Variants in CLN6 observed in about 807,000 individuals in gnomAD.
CLN6 encodes CLN6 transmembrane ER protein, also known as ceroid-lipofuscinosis neuronal protein 6.
CLN6 carries 22 observed loss-of-function variants against 33.3 expected under a neutral mutation model. The ratio of observed to expected loss-of-function variants is 0.66; its 90% CI spans 0.47 to 0.94. CLN6 has a LOEUF of 0.94. CLN6 is among the 40% of genes least tolerant of loss of function. The pLI is 0.00. For synonymous variants in CLN6, 201 were observed against 174.6 expected (o/e 1.15, Z -1.19); for missense variants, 387 against 417.1 (o/e 0.93, Z 0.63).
At chr15:68,224,618 C>CA (rs57397347) in intron 1 of CLN6, among the ~76,000 whole-genome samples, 11,756 of 104,228 alleles carry the variant, frequency 0.11, 721 homozygotes, top group Non-Finnish European at 0.14. Context: ...GACTCTGTCT[C>CA]AAAAAAAAAA....
rs189715698 is a variant in CLN6, at chr15:68,228,190, A to C, written c.83+1312T>G. 2.0e-5 allele frequency among the ~76,000 whole-genome samples: 3 copies of C among 152,296 alleles called. No homozygotes were observed. In the East Asian group the frequency reaches 5.8e-4, roughly 29 times the overall value. On this transcript the variant is annotated intron_variant, in intron 1 of 6. Transcript: ENST00000249806. This position sits in a 1 kb window ranked among gnomAD's most constrained non-coding sequence, Gnocchi z 4.4. ...CTAAGTGAAAACGGACACAGTCCGCAGCTGCTCAGCCCGCATGTCCGCAGC... is the reference window on the plus strand; with the variant it reads ...CTAAGTGAAAACGGACACAGTCCGCCGCTGCTCAGCCCGCATGTCCGCAGC...
chr15:68,218,465 A>G (rs2093226589), intron 2 of CLN6, 71 bp downstream of exon 2: 1 of 1,102,072 alleles, frequency 9.1e-7, no homozygotes. Flanking sequence ...GTCTAAGGTC[A>G]CTCGGCAAAT....
chr15:68,207,940 A>T lies in CLN6; in HGVS notation c.*200T>A, dbSNP rs2093192076. 1 of 612,242 alleles carries T rather than the reference A, an allele frequency of 1.6e-6. No individual in the cohort carries two copies. Among genetic ancestry groups the T allele is most frequent in the Non-Finnish European group, 2.9e-6 (1 of 346,076 alleles). The allele number at this position is 612,242 out of a possible 1,614,324, so 37.9% of individuals were successfully genotyped here. On this transcript the variant is annotated 3_prime_UTR_variant, in exon 7 of 7. Transcript: ENST00000249806. ...CAAACAGAAACTTGACGGAAATAGT[A>T]GAGTCTGAAAATGATGCACTCTGCG...
upstream of CLN6, among the ~76,000 whole-genome samples, chr15:68,231,073 C>T (rs1031924836): frequency 1.2e-4 from 18 of 152,156 alleles, no homozygotes; most frequent in African/African-American, 4.1e-4. Flanking sequence ...CTGAGCTATG[C>T]CTATTTCCAT....
In CLN6 at chr15:68,209,885, G is replaced by C. The variant is rs2093199822; in HGVS notation, c.543-126C>G. 1 of 1,332,448 alleles carries C rather than the reference G, an allele frequency of 7.5e-7. No homozygotes were observed. The highest frequency in any genetic ancestry group is 1.8e-5 in the Admixed American group (1 of 56,846). 82.5% of individuals were successfully genotyped at this position (1,332,448 alleles called of 1,614,324 possible). On this transcript the variant is annotated intron_variant, in intron 5 of 6. Coordinates refer to ENST00000249806, the MANE Select transcript of CLN6 (RefSeq NM_017882.3). The surrounding 1 kb of genome is among the most constrained non-coding windows in gnomAD (Gnocchi z 4.9). The stretch of plus-strand genomic sequence containing the variant: ...AGTTTACAAAACGCCTAGCCTGGGT[G>C]AGAGGCGCTCCTCTCCACCCAACCT...
chr15:68,234,648 G>A (rs1233208380), upstream of CLN6, among the ~76,000 whole-genome samples: 1 of 152,154 alleles, frequency 6.6e-6, no homozygotes, highest in Non-Finnish European at 1.5e-5. This position sits in a 1 kb window ranked among gnomAD's most constrained non-coding sequence, Gnocchi z 4.1. Flanking sequence ...AGAGCTAGGA[G>A]AAGCTGAGAG....
At chr15:68,251,227 G>T (rs1892375325) in intron 1 of CLN6, among the ~76,000 whole-genome samples, 1 of 152,042 alleles carries the variant, frequency 6.6e-6, no homozygotes, top group South Asian at 2.1e-4. Flanking sequence ...TATAGTAAAG[G>T]CATTCAGTAA....
intron 1 of CLN6, among the ~76,000 whole-genome samples, chr15:68,245,048 AAAGAG>A (rs1892317055): frequency 6.6e-6 from 1 of 151,256 alleles, no homozygotes; most frequent in Non-Finnish European, 1.5e-5. Context: ...AAAAAAAAAA[AAAGAG>A]AGAGAGAGGC....
chr15:68,229,245 G>T (rs954645574), intron 1 of CLN6, among the ~76,000 whole-genome samples: 1 of 152,184 alleles, frequency 6.6e-6, no homozygotes, highest in African/African-American at 2.4e-5. Context: ...AACTTCGGGC[G>T]GGCGCTCCTC....
chr15:68,216,468 C>T (rs2093220836), intron 2 of CLN6, among the ~76,000 whole-genome samples: 1 of 152,208 alleles, frequency 6.6e-6, no homozygotes, highest in South Asian at 2.1e-4. Flanking sequence ...AACCAGCACC[C>T]ACCATCACTC....
intron 2 of CLN6, chr15:68,215,344 A>G (rs1240240291): frequency 2.0e-5 from 3 of 152,210 alleles, no homozygotes; most frequent in Admixed American, 2.0e-4. Context: ...ACTTGCTAAA[A>G]TACTCTGTGA....
Position 68,256,753 on chromosome 15 carries a change from G to T in CLN6, c.116C>A (p.Pro39Gln). 1 of 701,762 alleles carries T rather than the reference G, an allele frequency of 1.4e-6. No homozygotes were observed. The highest frequency in any genetic ancestry group is 1.5e-5 in the South Asian group (1 of 67,568). The allele number at this position is 701,762 out of a possible 1,614,324, so 43.5% of individuals were successfully genotyped here. A position where few individuals can be genotyped will look rare whatever the true frequency, so the allele number is the denominator to read the frequency against. ...ACAGGACAATGGCGCCTGCGCCAGT[G>T]GCTTGAAGGCTCGGCTCAAGCCCGC... Residue 39 changes from proline (P) to glutamine (Q), a missense_variant, in exon 1 of 7, where the codon CCA becomes CAA. Pro to Gln is a moderately conservative substitution (Grantham distance 76). Coordinates refer to the CLN6 transcript ENST00000538696. The surrounding 1 kb of genome is among the most constrained non-coding windows in gnomAD (Gnocchi z 4.1).
At chr15:68,229,471 A>G in intron 1 of CLN6, 31 bp downstream of exon 1, 1 of 1,445,316 alleles carries the variant, frequency 6.9e-7, no homozygotes. Context: ...ACAGGCGCCT[A>G]GCCCGCCCTC....
At chr15:68,229,363 G>A in intron 1 of CLN6, 139 bp downstream of exon 1, 2 of 560,586 alleles carry the variant, frequency 3.6e-6, no homozygotes, top group Non-Finnish European at 5.5e-6. Flanking sequence ...GCGCCTCCAA[G>A]CCCCCCGCGC....
rs1041439672 is a variant in CLN6 at position 68,242,167 on chromosome 15, A to C, written c.179+14523T>G. 2.0e-5 allele frequency among the ~76,000 whole-genome samples: 3 copies of C among 152,218 alleles called. No homozygotes were observed. Among genetic ancestry groups the C allele is most frequent in the African/African-American group, 7.2e-5 (3 of 41,464 alleles). On this transcript the variant is annotated intron_variant, in intron 1 of 6. Transcript: ENST00000538696. The surrounding 1 kb of genome is among the most constrained non-coding windows in gnomAD (Gnocchi z 5.0). ...CCAAGAATTCAAAATAGCAGTTTTA[A>C]GGAAACTCAGTGATCTACAAGATAA...
At chr15:68,217,700 G>C (rs902647535) in intron 2 of CLN6, among the ~76,000 whole-genome samples, 1 of 152,110 alleles carries the variant, frequency 6.6e-6, no homozygotes, top group African/African-American at 2.4e-5. Context: ...CATATCTTTT[G>C]GCTCTATGAC....
In CLN6 at chr15:68,210,968, C is replaced by A. The variant is rs1006890418; in HGVS notation, c.542+295G>T. On this transcript the variant is annotated intron_variant, in intron 5 of 6. Coordinates refer to ENST00000249806, the MANE Select transcript of CLN6 (RefSeq NM_017882.3). This position sits in a 1 kb window ranked among gnomAD's most constrained non-coding sequence, Gnocchi z 5.6. ...CAGGCTTGGCGAGGAAGGACCAAAG[C>A]CACTCGCTGCCCTCTGCTGGCCACA... Among the ~76,000 whole-genome samples the A allele has an allele frequency of 6.6e-5, 10 of 152,302 alleles. No individual in the cohort carries two copies. The highest frequency in any genetic ancestry group is 2.4e-4 in the African/African-American group (10 of 41,570).
In CLN6 at chr15:68,243,809, A is replaced by G. The variant is rs149536079; in HGVS notation, c.179+12881T>C. Among the ~76,000 whole-genome samples, 1,248 of 151,780 alleles carry G rather than the reference A, an allele frequency of 8.2e-3. 15 individuals carry two copies. The highest frequency in any genetic ancestry group is 0.014 in the Non-Finnish European group (954 of 67,922). ...ATGGGCATGGTGGCTCACGCCTGTA[A>G]TCCCAGCACTTTGGGAGGCTGAGGT... is the stretch of plus-strand genomic sequence containing the variant. On this transcript the variant is annotated intron_variant, in intron 1 of 6. Transcript: ENST00000538696.
chr15:68,223,719 A>T (rs916375431), intron 1 of CLN6, among the ~76,000 whole-genome samples: 2 of 151,686 alleles, frequency 1.3e-5, no homozygotes, highest in Non-Finnish European at 2.9e-5. Context: ...CCCTGTCATT[A>T]GTCCAGCCTA....
Sources: gnomAD v4.1 joint callset for allele counts (sites outside exome capture counted in the v4.1 genomes callset) on GRCh38, gnomAD v4.1.1 for gene constraint, Gnocchi (gnomAD v3.1) non-coding constraint, MANE v1.5 for transcripts, NCBI Gene and HGNC (gene_info 2026-07-23, HGNC 2026-07-21) for gene names.